SNX18: variants seen among roughly 807,000 people sequenced by gnomAD.
The protein encoded by SNX18 is sorting nexin-18.
A neutral mutation model predicts 48.7 loss-of-function variants in SNX18; 35 were observed. That is an observed-to-expected ratio of 0.72 (90% CI 0.55 to 0.95). The LOEUF (loss-of-function observed/expected upper bound fraction) is 0.95, where lower values mean the gene tolerates loss of function less well. Ranked by LOEUF, SNX18 falls within the 40% of genes least tolerant of loss-of-function variation. The pLI, the probability that SNX18 is intolerant of heterozygous loss-of-function variation, is 0.00. For missense variants in SNX18, 824 were observed against 871.0 expected, an observed-to-expected ratio of 0.95 and a Z score of 0.68; for synonymous variants, 492 against 384.7, an observed-to-expected ratio of 1.28 and a Z score of -3.26.
intron 1 of SNX18, among the ~76,000 whole-genome samples, chr5:54,535,088 TTTG>T (rs1034765750): frequency 3.3e-4 from 50 of 152,246 alleles, no homozygotes; most frequent in African/African-American, 1.2e-3. Flanking sequence ...ATTAAATTCT[TTTG>T]TTTTCATTGT....
chr5:54,570,767 A>G, the SNX18 span, among the ~76,000 whole-genome samples: 1 of 152,238 alleles, frequency 6.6e-6, no homozygotes, highest in Admixed American at 6.5e-5. Context: ...TATTAAGGAT[A>G]TTAAGGATTT....
the SNX18 span, among the ~76,000 whole-genome samples, chr5:54,639,603 ATTT>A: frequency 4.9e-4 from 52 of 105,778 alleles, no homozygotes; most frequent in African/African-American, 1.9e-3. Context: ...TTTAATCTTT[ATTT>A]TTCACGAGAA....
the SNX18 span, among the ~76,000 whole-genome samples, chr5:54,628,291 A>G: frequency 1.3e-5 from 2 of 152,182 alleles, no homozygotes; most frequent in African/African-American, 4.8e-5. Flanking sequence ...CTGAGAGGTC[A>G]TCTGCAGTGA....
intron 1 of SNX18, among the ~76,000 whole-genome samples, chr5:54,542,461 C>T (rs1053390082): frequency 3.9e-5 from 6 of 152,112 alleles, no homozygotes; most frequent in Non-Finnish European, 8.8e-5. Flanking sequence ...GTGGGTCTCC[C>T]GATGCAACGT....
At chr5:54,593,503 G>T in the SNX18 span, among the ~76,000 whole-genome samples, 53 of 152,260 alleles carry the variant, frequency 3.5e-4, no homozygotes, top group South Asian at 6.0e-3. Flanking sequence ...CTCATTACCT[G>T]TCAAAATCTC....
chr5:54,587,534 A>T, the SNX18 span, among the ~76,000 whole-genome samples: 16 of 151,302 alleles, frequency 1.1e-4, no homozygotes, highest in Admixed American at 2.0e-4. Context: ...AAAGCAAAAA[A>T]CTCCTTAATG....
chr5:54,536,682 A>G (rs555065380), intron 1 of SNX18, among the ~76,000 whole-genome samples: 56 of 152,340 alleles, frequency 3.7e-4, no homozygotes, highest in East Asian at 2.5e-3. Flanking sequence ...CAGTGCCGCA[A>G]TAAACATACG....
the SNX18 span, among the ~76,000 whole-genome samples, chr5:54,628,589 G>A: frequency 6.6e-6 from 1 of 152,150 alleles, no homozygotes; most frequent in African/African-American, 2.4e-5. Flanking sequence ...ACAATGGGGT[G>A]TGTCCCCACC....
chr5:54,570,434 G>A, the SNX18 span, among the ~76,000 whole-genome samples: 1 of 152,160 alleles, frequency 6.6e-6, no homozygotes, highest in African/African-American at 2.4e-5. Context: ...AGGCAAACAC[G>A]GTTTTCCATA....
the SNX18 span, among the ~76,000 whole-genome samples, chr5:54,636,252 G>A: frequency 6.6e-6 from 1 of 152,090 alleles, no homozygotes; most frequent in Non-Finnish European, 1.5e-5. Flanking sequence ...GGGCCTGAAC[G>A]GGGATGAGGC....
At chr5:54,634,637 C>T in the SNX18 span, among the ~76,000 whole-genome samples, 7 of 151,904 alleles carry the variant, frequency 4.6e-5, no homozygotes, top group South Asian at 2.1e-4. Context: ...AGATTGGACA[C>T]GCCTGCAACA....
chr5:54,574,630 A>C, the SNX18 span, among the ~76,000 whole-genome samples: 1 of 152,222 alleles, frequency 6.6e-6, no homozygotes, highest in Non-Finnish European at 1.5e-5. Flanking sequence ...AGCAAACCAC[A>C]AGTGACTTGA....
At chr5:54,541,950 C>T (rs1353200995) in intron 1 of SNX18, among the ~76,000 whole-genome samples, 4 of 152,166 alleles carry the variant, frequency 2.6e-5, no homozygotes, top group Admixed American at 2.6e-4. Context: ...AACAAAGTCT[C>T]TCAGTTTCTG....
chr5:54,569,450 T>C, the SNX18 span, among the ~76,000 whole-genome samples: 30 of 152,308 alleles, frequency 2.0e-4, no homozygotes, highest in Non-Finnish European at 2.8e-4. Context: ...CACATGAATT[T>C]TGTGGTTGAG....
chr5:54,551,092 G>GA (rs936607851), downstream of SNX18, among the ~76,000 whole-genome samples: 31 of 147,104 alleles, frequency 2.1e-4, no homozygotes, highest in African/African-American at 6.7e-4. Flanking sequence ...AAAAAAAAAA[G>GA]AAAAAAAAAG....
At chr5:54,520,921 G>C (rs755021785) in intron 1 of SNX18, 22 of 167,206 alleles carry the variant, frequency 1.3e-4, no homozygotes, top group Admixed American at 1.1e-3. Context: ...GGCAATTTGC[G>C]ATTTGTAAAT....
At chr5:54,523,914 C>T (rs545136433) in intron 1 of SNX18, among the ~76,000 whole-genome samples, 1 of 152,166 alleles carries the variant, frequency 6.6e-6, no homozygotes, top group Non-Finnish European at 1.5e-5. Context: ...TAAAAATAGC[C>T]CTGAAAGGGT....
chr5:54,591,502 T>C, the SNX18 span, among the ~76,000 whole-genome samples: 1 of 152,220 alleles, frequency 6.6e-6, no homozygotes, highest in East Asian at 1.9e-4. Flanking sequence ...GTCTTGGACC[T>C]TTGGCTGCAA....
intron 1 of SNX18, among the ~76,000 whole-genome samples, chr5:54,528,139 TACACACACAC>T (rs10554517): frequency 1.3e-5 from 2 of 150,134 alleles, no homozygotes; most frequent in African/African-American, 2.5e-5. Context: ...TACACGCACA[TACACACACAC>T]ACACACACAC....
Sources: allele counts gnomAD v4.1 joint callset (sites outside exome capture counted in the v4.1 genomes callset), GRCh38; gene constraint gnomAD v4.1.1; transcripts MANE v1.5; gene names NCBI Gene and HGNC (gene_info 2026-07-23, HGNC 2026-07-21).